ARHGEF6: variants seen among roughly 807,000 people sequenced by gnomAD.
ARHGEF6 encodes rho guanine nucleotide exchange factor 6.
Under a neutral mutation model 70.3 loss-of-function variants are expected in ARHGEF6, and 9 were observed. The observed-to-expected ratio is 0.13, with a 90% CI of 0.08 to 0.22. The LOEUF is 0.22. Among genes scored for constraint, ARHGEF6 ranks in the 10% least tolerant of loss-of-function variants. ARHGEF6 has a pLI of 1.00. For missense variants in ARHGEF6, 470 were observed against 563.0 expected (o/e 0.83, Z 1.67); for synonymous variants, 201 against 207.8 (o/e 0.97, Z 0.28).
intron 2 of ARHGEF6, among the ~76,000 whole-genome samples, chrX:136,750,909 TCTC>T (rs1316413978): frequency 3.6e-5 from 4 of 109,871 alleles, no homozygotes; most frequent in African/African-American, 1.3e-4. Context: ...TTCAAGCAAT[TCTC>T]CTGCCTCAGC....
chrX:136,740,253 C>T (rs2148656846), intron 5 of ARHGEF6, among the ~76,000 whole-genome samples: 1 of 111,282 alleles, frequency 9.0e-6, no homozygotes, highest in South Asian at 3.8e-4. Context: ...AAGTGATCCG[C>T]CCGCCTCAGC....
chrX:136,671,093 T>C (rs2076221460), intron 20 of ARHGEF6, among the ~76,000 whole-genome samples: 1 of 112,304 alleles, frequency 8.9e-6, no homozygotes, highest in African/African-American at 3.2e-5. Context: ...ACTAACATTA[T>C]TTATTGAGCT....
Position 136,675,041 on chromosome X carries a change from G to A in ARHGEF6, c.2001C>T (p.Cys667=), listed in dbSNP as rs761503931. The part of the protein sequence containing the change: ...AQILKVIEAY[C]TSANFQQGHG... The stretch of plus-strand genomic sequence containing the variant: ...GGCCTTGTTGAAAATTTGCGCTGGT[G>A]CAGTAGGCTTCGATCACTTTAAGGA... The change falls in exon 19 of 22, where the codon TGC becomes TGT. Residue 667 remains cysteine (C), a synonymous_variant. Transcript: ENST00000250617. 5.8e-6 allele frequency: 7 copies of A among 1,211,757 alleles called. No individual in the cohort carries two copies. The highest frequency in any genetic ancestry group is 7.8e-6 in the Non-Finnish European group (7 of 895,323).
intron 5 of ARHGEF6, among the ~76,000 whole-genome samples, chrX:136,738,339 C>T (rs1006497096): frequency 5.4e-5 from 6 of 111,443 alleles, no homozygotes; most frequent in Non-Finnish European, 9.4e-5. Context: ...ACCAATCACC[C>T]GCCCAACACA....
At position 136,754,362 on chromosome X, in the gene ARHGEF6, G is replaced by A. The variant is rs918441734; in HGVS notation, c.250-6770C>T. 4.5e-5 allele frequency among the ~76,000 whole-genome samples: 5 copies of A among 110,542 alleles called. No individual in the cohort carries two copies. The East Asian group carries it at 1.4e-3, about 31-fold the overall frequency. On this transcript the variant is annotated intron_variant, in intron 2 of 21. Transcript: ENST00000250617. ...GCACCTTGGGAGGCCGAGGTAGGTG[G>A]ATCACTTGAGTCCAGGAGTTCGAGA...
At chrX:136,684,201 G>A (rs1603336351) in intron 12 of ARHGEF6, among the ~76,000 whole-genome samples, 1 of 111,745 alleles carries the variant, frequency 8.9e-6, no homozygotes, top group Non-Finnish European at 1.9e-5. Flanking sequence ...AATGCTCCTC[G>A]TGGAATTTCC....
At position 136,750,971 on chromosome X, in the gene ARHGEF6, TTTTG is replaced by T. The variant is rs367731529; in HGVS notation, c.250-3383_250-3380del. ...GGACCTGCCACCATGCCCGGCTAAT[TTTTG>T]TTTGTTTGTTTGTTTGTTTTTGTTT... On this transcript the variant is annotated intron_variant, in intron 2 of 21. Transcript: ENST00000250617. 2.6e-3 allele frequency among the ~76,000 whole-genome samples: 281 copies of T among 109,581 alleles called. 1 individual carries two copies. The highest frequency in any genetic ancestry group is 9.9e-3 in the South Asian group (25 of 2,514).
At chrX:136,704,438 C>T (rs1398190615) in intron 9 of ARHGEF6, among the ~76,000 whole-genome samples, 1 of 112,152 alleles carries the variant, frequency 8.9e-6, no homozygotes, top group African/African-American at 3.2e-5. Flanking sequence ...TACGAACTTC[C>T]AGTAGGTACA....
At chrX:136,747,641 C>T (rs2077107818) in intron 2 of ARHGEF6, 49 bp from the exon 3 acceptor site, 1 of 451,020 alleles carries the variant, frequency 2.2e-6, no homozygotes, top group African/African-American at 3.4e-5. Flanking sequence ...GTATTCAACT[C>T]AACAAACAAA....
intron 6 of ARHGEF6, among the ~76,000 whole-genome samples, chrX:136,731,097 A>G (rs941523743): frequency 1.8e-5 from 2 of 112,344 alleles, no homozygotes; most frequent in Admixed American, 9.5e-5. Context: ...GAAATGTAAG[A>G]TAAAAGATAT....
intron 20 of ARHGEF6, among the ~76,000 whole-genome samples, chrX:136,670,614 T>A (rs1346589659): frequency 1.8e-5 from 2 of 111,279 alleles, no homozygotes; most frequent in African/African-American, 6.6e-5. Flanking sequence ...TGCTCTCTGT[T>A]TTTAGGAGTT....
At chrX:136,674,339 T>C (rs1292581696) in intron 19 of ARHGEF6, among the ~76,000 whole-genome samples, 2 of 112,896 alleles carry the variant, frequency 1.8e-5, no homozygotes, top group Non-Finnish European at 1.9e-5. Context: ...GTATTCTGAA[T>C]GTCTATAATA....
chrX:136,691,849 A>C, intron 9 of ARHGEF6, among the ~76,000 whole-genome samples: 1 of 111,527 alleles, frequency 9.0e-6, no homozygotes, highest in Non-Finnish European at 1.9e-5. Context: ...TCAAGTCTTA[A>C]CTTTTTAAAC....
intron 10 of ARHGEF6, 132 bp from the exon 11 acceptor site, chrX:136,688,123 AT>A: frequency 1.9e-6 from 1 of 519,615 alleles, no homozygotes; most frequent in East Asian, 3.5e-5. Context: ...ACTGTTCTGT[AT>A]TTTAATTGTG....
chrX:136,755,560 C>T (rs138182896), intron 2 of ARHGEF6, among the ~76,000 whole-genome samples: 128 of 111,467 alleles, frequency 1.1e-3, no homozygotes, highest in Non-Finnish European at 1.6e-3. Flanking sequence ...GGTAAATAGC[C>T]CCACACAAAG....
At chrX:136,690,030 T>TG (rs2076442839) in intron 10 of ARHGEF6, among the ~76,000 whole-genome samples, 1 of 111,927 alleles carries the variant, frequency 8.9e-6, no homozygotes, top group East Asian at 2.8e-4. Context: ...AATAAAAATG[T>TG]GGGGGGACTC....
At chrX:136,729,467 C>CAAAAAAAAAAAAAAAAAAAAAAAAAA (rs749398050) in intron 6 of ARHGEF6, among the ~76,000 whole-genome samples, 1 of 12,410 alleles carries the variant, frequency 8.1e-5, no homozygotes, top group African/African-American at 2.4e-4. Context: ...GACTCCATCT[C>CAAAAAAAAAAAAAAAAAAAAAAAAAA]AAAAAAAAAA....
In ARHGEF6 at chrX:136,752,517, A is replaced by G. The variant is rs188837969; in HGVS notation, c.250-4925T>C. ...ATTTTCTTGACATCATGCTCTAACC[A>G]CCTGAGTTAACCAGTCACAGCAGTC... is the stretch of plus-strand genomic sequence containing the variant. On this transcript the variant is annotated intron_variant, in intron 2 of 21. Transcript: ENST00000250617. Among the ~76,000 whole-genome samples the G allele has an allele frequency of 3.0e-3, 337 of 112,092 alleles. 4 individuals carry two copies. Among genetic ancestry groups the G allele is most frequent in the African/African-American group, 0.011 (324 of 30,830 alleles).
intron 2 of ARHGEF6, among the ~76,000 whole-genome samples, chrX:136,752,096 A>T (rs1228345980): frequency 2.7e-5 from 3 of 112,316 alleles, no homozygotes; most frequent in African/African-American, 9.7e-5. Flanking sequence ...AAAGCAATCC[A>T]TGAGTCTGTA....
Sources: allele counts gnomAD v4.1 joint callset (sites outside exome capture counted in the v4.1 genomes callset), GRCh38; gene constraint gnomAD v4.1.1; transcripts MANE v1.5; gene names NCBI Gene and HGNC (gene_info 2026-07-23, HGNC 2026-07-21).